IL26: variants seen among roughly 807,000 people sequenced by gnomAD.
IL26 encodes the protein interleukin-26.
IL26 carries 23 observed loss-of-function variants against 21.7 expected under a neutral mutation model. That is an observed-to-expected ratio of 1.06 (90% CI 0.76 to 1.50). The LOEUF is 1.50. IL26 is among the 40% of genes most tolerant of loss of function. IL26 has a pLI of 0.00. For missense variants in IL26, 204 were observed against 196.0 expected, an observed-to-expected ratio of 1.04 and a Z score of -0.24; for synonymous variants, 63 against 67.8, an observed-to-expected ratio of 0.93 and a Z score of 0.34.
In IL26 at chr12:68,225,596, G is replaced by A. The variant is rs781128623; in HGVS notation, c.161C>T (p.Ala54Val). Residue 54 changes from alanine to valine, a missense_variant, in exon 1 of 5, where the codon GCA becomes GTA. Transcript: ENST00000229134. ...ALYIKAAWLKATIPEDRIKNI... is the reference protein window; with the variant it reads ...ALYIKAAWLKVTIPEDRIKNI... Reference sequence around the variant, plus strand: ...GAGCCTAATACTTACTGGAATCGTTGCTTTGAGCCATGCTGCTTTGATATA... The same window carrying A: ...GAGCCTAATACTTACTGGAATCGTTACTTTGAGCCATGCTGCTTTGATATA... The A allele has an allele frequency of 3.7e-6, 6 of 1,613,754 alleles. No homozygotes were observed. In the Admixed American group the frequency reaches 5.0e-5, roughly 13 times the overall value.
chr12:68,205,642 G>A (rs1868517722), intron 3 of IL26, among the ~76,000 whole-genome samples: 1 of 152,184 alleles, frequency 6.6e-6, no homozygotes, highest in South Asian at 2.1e-4. Flanking sequence ...AAGAGGTGGA[G>A]GAAGTGGAAG....
At chr12:68,218,958 G>T (rs1205282102) in intron 3 of IL26, among the ~76,000 whole-genome samples, 1 of 151,756 alleles carries the variant, frequency 6.6e-6, no homozygotes, top group African/African-American at 2.4e-5. Context: ...GGACAATAAG[G>T]GTAATTTTAT....
At chr12:68,204,817 T>C (rs142568527) in intron 3 of IL26, among the ~76,000 whole-genome samples, 2 of 152,322 alleles carry the variant, frequency 1.3e-5, no homozygotes, top group African/African-American at 4.8e-5. Flanking sequence ...GAGTTCTCAT[T>C]TTCTTTATAC....
chr12:68,213,799 C>CA (rs1397007462), intron 3 of IL26, among the ~76,000 whole-genome samples: 2 of 151,626 alleles, frequency 1.3e-5, no homozygotes, highest in African/African-American at 2.4e-5. Flanking sequence ...TTTATCTTTT[C>CA]AAAAAAACCA....
Position 68,204,433 on chromosome 12 carries a change from G to A in IL26, c.364-2350C>T, listed in dbSNP as rs370560416. ...GCTGGGATTACAGGCATGAGCCGCC[G>A]CGCCTGGCCAGGATTTAAAGATTTA... On this transcript the variant is annotated intron_variant, in intron 3 of 4. Coordinates refer to ENST00000229134, the MANE Select transcript of IL26 (RefSeq NM_018402.2). Among the ~76,000 whole-genome samples, 110 of 152,198 alleles carry A rather than the reference G, an allele frequency of 7.2e-4. 1 individual carries two copies. The East Asian group carries it at 0.018, about 25-fold the overall frequency.
chr12:68,204,394 C>T (rs1360109555), intron 3 of IL26, among the ~76,000 whole-genome samples: 4 of 152,132 alleles, frequency 2.6e-5, no homozygotes, highest in Non-Finnish European at 4.4e-5. Flanking sequence ...CTGCCCGCCT[C>T]GGCCTCCCAA....
intron 3 of IL26, among the ~76,000 whole-genome samples, chr12:68,217,263 A>G (rs1002764862): frequency 1.3e-5 from 2 of 152,190 alleles, no homozygotes; most frequent in Non-Finnish European, 1.5e-5. Flanking sequence ...ATAATTTGTC[A>G]TGCTGTTTTA....
At chr12:68,210,693 C>A (rs11570947) in intron 3 of IL26, among the ~76,000 whole-genome samples, 1 of 152,080 alleles carries the variant, frequency 6.6e-6, no homozygotes, top group Non-Finnish European at 1.5e-5. Flanking sequence ...CAAAGATCAT[C>A]TGATATAGGT....
chr12:68,210,724 A>G (rs1430317343), intron 3 of IL26, among the ~76,000 whole-genome samples: 1 of 152,188 alleles, frequency 6.6e-6, no homozygotes, highest in Admixed American at 6.6e-5. Flanking sequence ...ACCTAGAATA[A>G]TCTTAAACCC....
chr12:68,224,607 GAGAGAA>G (rs1400382947), intron 3 of IL26, among the ~76,000 whole-genome samples: 1 of 150,816 alleles, frequency 6.6e-6, no homozygotes, highest in Non-Finnish European at 1.5e-5. Flanking sequence ...AGGAAAGAGA[GAGAGAA>G]AGAAAGAAAA....
Position 68,225,428 on chromosome 12 carries a change from A to C in IL26, c.228+16T>G, listed in dbSNP as rs200420766. The C allele has an allele frequency of 1.7e-5, 27 of 1,555,724 alleles. No individual in the cohort carries two copies. In the African/African-American group the frequency reaches 1.8e-4, roughly 10 times the overall value. On this transcript the variant is annotated intron_variant, in intron 2 of 4. Transcript: ENST00000229134. ...ATAAGTGGAAATGTAAAAAAGAAGA[A>C]GACTTTCTGACTTACCATAAACTGC...
At chr12:68,215,425 A>G (rs1363156310) in intron 3 of IL26, among the ~76,000 whole-genome samples, 2 of 152,136 alleles carry the variant, frequency 1.3e-5, no homozygotes, top group African/African-American at 4.8e-5. Context: ...TCTTATCCTC[A>G]TATATTAGCA....
chr12:68,218,427 A>C (rs1403276862), intron 3 of IL26, among the ~76,000 whole-genome samples: 3 of 152,234 alleles, frequency 2.0e-5, no homozygotes, highest in Non-Finnish European at 4.4e-5. Flanking sequence ...TAAAAACTAC[A>C]ATGTATGAGG....
At chr12:68,202,186 G>A in intron 3 of IL26, 103 bp from the exon 4 acceptor site, 1 of 672,338 alleles carries the variant, frequency 1.5e-6, no homozygotes, top group Non-Finnish European at 2.4e-6. Context: ...TATGTGCTGA[G>A]CACTAGATAT....
chr12:68,218,682 A>T (rs1868961787), intron 3 of IL26, among the ~76,000 whole-genome samples: 1 of 152,016 alleles, frequency 6.6e-6, no homozygotes, highest in Non-Finnish European at 1.5e-5. Context: ...ATGCTGAACA[A>T]TTTCAAATTT....
chr12:68,209,510 G>A (rs1233139232), intron 3 of IL26, among the ~76,000 whole-genome samples: 1 of 152,178 alleles, frequency 6.6e-6, no homozygotes, highest in Non-Finnish European at 1.5e-5. Context: ...CATTCCAGAG[G>A]CCACGAGGGG....
chr12:68,216,228 T>C (rs1240126845), intron 3 of IL26, among the ~76,000 whole-genome samples: 11 of 151,732 alleles, frequency 7.2e-5, no homozygotes. Context: ...GAGGTGGAGG[T>C]TGCAGTGAGC....
At chr12:68,224,280 C>T (rs1213075127) in intron 3 of IL26, among the ~76,000 whole-genome samples, 1 of 142,730 alleles carries the variant, frequency 7.0e-6, no homozygotes, top group East Asian at 2.1e-4. Context: ...GATTCTGGCT[C>T]AGTGTTTTTG....
At chr12:68,225,005 T>A in intron 3 of IL26, 144 bp downstream of exon 3, 1 of 673,962 alleles carries the variant, frequency 1.5e-6, no homozygotes, top group Admixed American at 2.9e-5. Flanking sequence ...GCTATTTCCC[T>A]GGTGATGACC....
Sources: allele counts gnomAD v4.1 joint callset (sites outside exome capture counted in the v4.1 genomes callset), GRCh38; gene constraint gnomAD v4.1.1; transcripts MANE v1.5; gene names NCBI Gene and HGNC (gene_info 2026-07-23, HGNC 2026-07-21).